The following HINFP variants were observed in gnomAD, a reference collection of about 807,000 sequenced individuals.
HINFP encodes MBD2 (methyl-CpG-binding protein)-interacting zinc finger protein.
A neutral mutation model predicts 50.1 loss-of-function variants in HINFP; 20 were observed. The observed-to-expected ratio is 0.40, with a 90% CI of 0.28 to 0.58. The LOEUF (loss-of-function observed/expected upper bound fraction) is 0.58. Among genes scored for constraint, HINFP ranks in the 20% least tolerant of loss-of-function variants. HINFP has a pLI of 0.45. For synonymous variants in HINFP, 247 were observed against 243.7 expected, an observed-to-expected ratio of 1.01 and a Z score of -0.13; for missense variants, 505 against 664.1, an observed-to-expected ratio of 0.76 and a Z score of 2.63.
chr11:119,133,302 C>G, intron 9 of HINFP, 83 bp downstream of exon 9: 2 of 1,549,300 alleles, frequency 1.3e-6, no homozygotes, highest in Non-Finnish European at 1.8e-6. Context: ...TAATTTGGGT[C>G]GGGCGCGGTG....
Position 119,134,287 on chromosome 11 carries a change from G to A in HINFP, c.1343G>A (p.Ser448Asn), listed in dbSNP as rs747865435. 1 of 1,614,154 alleles carries A rather than the reference G, an allele frequency of 6.2e-7. No individual in the cohort carries two copies. The highest frequency in any genetic ancestry group is 1.3e-5 in the African/African-American group (1 of 75,068). Residue 448 changes from serine (S) to asparagine (N), a missense_variant, in exon 10 of 10, where the codon AGC (serine) becomes AAC (asparagine). Physicochemically the swap from Ser to Asn is conservative, Grantham distance 46. Transcript: ENST00000350777. This position sits in a 1 kb window ranked among gnomAD's most constrained non-coding sequence, Gnocchi z 4.3. Reference sequence around the variant, plus strand: ...GAAGAGGAAGAGGAGGGCAAGGGTAGCGAAGGGACAGCCCTCTCAGCCTCT... The same window carrying A: ...GAAGAGGAAGAGGAGGGCAAGGGTAACGAAGGGACAGCCCTCTCAGCCTCT... ...RKEEEEEGKG[S>N]EGTALSASQD... is the part of the protein sequence containing the mutation.
intron 2 of HINFP, 139 bp downstream of exon 2, chr11:119,127,264 T>C: frequency 4.4e-6 from 3 of 674,984 alleles, no homozygotes; most frequent in Non-Finnish European, 7.0e-6. Flanking sequence ...TATAAAAACA[T>C]TGTAAACTCA....
At chr11:119,123,717 T>TG (rs1263806271) in intron 1 of HINFP, 3 of 141,768 alleles carry the variant, frequency 2.1e-5, no homozygotes, top group East Asian at 2.1e-4. Flanking sequence ...TTTTTTTTTT[T>TG]TTTTTTTTTT....
intron 2 of HINFP, among the ~76,000 whole-genome samples, chr11:119,128,772 C>A (rs1328287381): frequency 6.6e-6 from 1 of 151,592 alleles, no homozygotes; most frequent in Non-Finnish European, 1.5e-5. Flanking sequence ...GATCTCAGCT[C>A]ACTGCAACCT....
chr11:119,127,090 A>C lies in HINFP; in HGVS notation c.146A>C (p.Glu49Ala), dbSNP rs202079073. 1 of 1,611,900 alleles carries C rather than the reference A, an allele frequency of 6.2e-7. No homozygotes were observed. The highest frequency in any genetic ancestry group is 1.3e-5 in the African/African-American group (1 of 74,804). The change falls in exon 2 of 10, where the codon GAG becomes GCG. Residue 49 changes from glutamate to alanine, a missense_variant. Physicochemically the swap from Glu to Ala is moderately radical, Grantham distance 107 (BLOSUM62 -1). Transcript: ENST00000350777. The part of the protein sequence containing the change: ...HLQQHLHGSG[E>A]EEEEEEEDDP... ...CAGCAGCACCTGCATGGCTCTGGGG[A>C]GGAGGAGGAAGAGGAAGAGGAGGAT...
At position 119,132,751 on chromosome 11, in the gene HINFP, G is replaced by A. The variant is rs1402754177; in HGVS notation, c.845G>A (p.Arg282Gln). The change falls in exon 7 of 10, where the codon CGG becomes CAG. Residue 282 changes from arginine (R) to glutamine (Q), a missense_variant. Arg to Gln is a conservative substitution (Grantham distance 43, BLOSUM62 1). Transcript: ENST00000350777. ...NHMRFRHSED[R>Q]PFKCDCCDYS... The stretch of plus-strand genomic sequence containing the variant: ...ATGCGCTTTCGTCACAGTGAGGACC[G>A]GCCCTTTAAATGTGACTGTTGTGAC... 6 of 1,613,508 alleles carry A rather than the reference G, an allele frequency of 3.7e-6. No homozygotes were observed. Among genetic ancestry groups the A allele is most frequent in the Admixed American group, 1.7e-5 (1 of 59,992 alleles).
rs1399369991 is a variant in HINFP at position 119,134,161 on chromosome 11, T to C, written c.1217T>C (p.Leu406Pro). Residue 406 changes from leucine to proline, a missense_variant, in exon 10 of 10, where the codon CTG becomes CCG. Transcript: ENST00000350777. This position sits in a 1 kb window ranked among gnomAD's most constrained non-coding sequence, Gnocchi z 4.3. ...YESVELTQQL[L>P]RQPQEGSGLG... ...AGTGTAGAGCTGACACAGCAACTGC[T>C]GCGGCAACCACAAGAGGGATCGGGC... 1 of 1,614,102 alleles carries C rather than the reference T, an allele frequency of 6.2e-7. No individual in the cohort carries two copies. The highest frequency in any genetic ancestry group is 8.5e-7 in the Non-Finnish European group (1 of 1,180,010).
Position 119,134,048 on chromosome 11 carries a change from C to G in HINFP, c.1140-36C>G. The G allele has an allele frequency of 6.2e-7, 1 of 1,613,764 alleles. No individual in the cohort carries two copies. The highest frequency in any genetic ancestry group is 8.5e-7 in the Non-Finnish European group (1 of 1,179,704). ...CTCGGCCATTTCTGTATCCCCCTGC[C>G]TGGGTTTGCTGCCCTTTATGCTCCT... On this transcript the variant is annotated intron_variant, in intron 9 of 9. Coordinates refer to ENST00000350777, the MANE Select transcript of HINFP (RefSeq NM_198971.3). This position sits in a 1 kb window ranked among gnomAD's most constrained non-coding sequence, Gnocchi z 4.3.
intron 2 of HINFP, 22 bp from the exon 3 acceptor site, chr11:119,130,703 C>G (rs553332618): frequency 6.2e-7 from 1 of 1,607,144 alleles, no homozygotes; most frequent in Admixed American, 1.7e-5. Context: ...TCAGACTCTT[C>G]CTTTTAAACC....
At chr11:119,132,176 G>A (rs975324218) in intron 5 of HINFP, 194 bp downstream of exon 5, 6 of 639,684 alleles carry the variant, frequency 9.4e-6, no homozygotes, top group Admixed American at 5.8e-5. Context: ...ACTGTACCTC[G>A]TATCAGTTAC....
chr11:119,130,909 C>T lies in HINFP; in HGVS notation c.366C>T (p.Ile122=), dbSNP rs372535461. ...CILDFQSRNV[I]PDIPDHFLCL... is the part of the protein sequence containing the mutation. ...TGGACTTCCAGAGCCGGAACGTCAT[C>T]CCTGATATCCCTGACCACTTCCTGT... Residue 122 remains isoleucine (I), a synonymous_variant, in exon 3 of 10, where the codon ATC becomes ATT. Transcript: ENST00000350777. The T allele has an allele frequency of 2.2e-4, 348 of 1,614,208 alleles. No homozygotes were observed. Among genetic ancestry groups the T allele is most frequent in the Admixed American group, 4.3e-4 (26 of 60,024 alleles).
At chr11:119,125,423 AC>A (rs1391239326) in intron 1 of HINFP, 2 of 152,150 alleles carry the variant, frequency 1.3e-5, no homozygotes, top group African/African-American at 2.4e-5. Context: ...TAACTCCAAC[AC>A]TTTGGGAGTC....
At chr11:119,128,481 TG>T in intron 2 of HINFP, among the ~76,000 whole-genome samples, 1 of 151,218 alleles carries the variant, frequency 6.6e-6, no homozygotes, top group South Asian at 2.1e-4. Context: ...AATTTTTTTT[TG>T]TATTTTTAGT....
chr11:119,128,668 G>C (rs1268985031), intron 2 of HINFP, among the ~76,000 whole-genome samples: 1 of 151,868 alleles, frequency 6.6e-6, no homozygotes, highest in Non-Finnish European at 1.5e-5. Flanking sequence ...ATTTCCCAAA[G>C]AGCCTATGAG....
chr11:119,128,447 A>C (rs529350426), intron 2 of HINFP, among the ~76,000 whole-genome samples: 2 of 151,866 alleles, frequency 1.3e-5, no homozygotes, highest in South Asian at 4.2e-4. Flanking sequence ...CTGGGATTAC[A>C]GGTGCGTGCC....
chr11:119,126,851 A>G, intron 1 of HINFP, 84 bp from the exon 2 acceptor site: 8 of 1,236,016 alleles, frequency 6.5e-6, no homozygotes, highest in Non-Finnish European at 9.2e-6. Context: ...TGCTGATTCT[A>G]GGCAGGCTGC....
intron 9 of HINFP, 89 bp downstream of exon 9, chr11:119,133,308 CG>C (rs747951831): frequency 6.6e-6 from 10 of 1,522,400 alleles, no homozygotes; most frequent in East Asian, 4.5e-5. Context: ...GGGTCGGGCG[CG>C]GTGGCTCACG....
In HINFP at chr11:119,127,072, A is replaced by G; in HGVS notation, c.128A>G (p.His43Arg). The G allele has an allele frequency of 6.2e-7, 1 of 1,614,068 alleles. No individual in the cohort carries two copies. The highest frequency in any genetic ancestry group is 8.5e-7 in the Non-Finnish European group (1 of 1,180,000). The change falls in exon 2 of 10, where the codon CAC becomes CGC. Residue 43 changes from histidine to arginine, a missense_variant. By Grantham distance (29) the His-to-Arg change is conservative. Transcript: ENST00000350777. ...FEHVTQHLQQHLHGSGEEEEE... is the reference protein window; with the variant it reads ...FEHVTQHLQQRLHGSGEEEEE... ...CATGTCACTCAGCACCTGCAGCAGC[A>G]CCTGCATGGCTCTGGGGAGGAGGAG...
In HINFP at chr11:119,131,467, C is replaced by T; in HGVS notation, c.412-68C>T. 9.3e-7 allele frequency: 1 copy of T among 1,070,818 alleles called. No individual in the cohort carries two copies. 66.3% of individuals were successfully genotyped at this position (1,070,818 alleles called of 1,614,324 possible). Reference sequence around the variant, plus strand: ...TTAATTTGGGAGAGAGCCAAGAATTCTTCGGGCACATAGGGGTGAGTCCCT... The same window carrying T: ...TTAATTTGGGAGAGAGCCAAGAATTTTTCGGGCACATAGGGGTGAGTCCCT... On this transcript the variant is annotated intron_variant, in intron 3 of 9. Transcript: ENST00000350777. This position sits in a 1 kb window ranked among gnomAD's most constrained non-coding sequence, Gnocchi z 4.2.
Sources: allele counts gnomAD v4.1 joint callset (sites outside exome capture counted in the v4.1 genomes callset), GRCh38; gene constraint gnomAD v4.1.1; non-coding constraint Gnocchi (gnomAD v3.1); transcripts MANE v1.5; gene names NCBI Gene and HGNC (gene_info 2026-07-23, HGNC 2026-07-21).